RBPMS2: variants seen among roughly 807,000 people sequenced by gnomAD.
RBPMS2 encodes RNA-binding protein with multiple splicing 2.
RBPMS2 carries 14 observed loss-of-function variants against 25.7 expected under a neutral mutation model. The ratio of observed to expected loss-of-function variants is 0.55; its 90% confidence interval spans 0.36 to 0.85. RBPMS2 has a LOEUF of 0.85. Among genes scored for constraint, RBPMS2 ranks in the 40% least tolerant of loss-of-function variants. RBPMS2 has a pLI of 0.01. For missense variants in RBPMS2, 252 were observed against 283.4 expected (o/e 0.89, Z 0.80); for synonymous variants, 127 against 115.6 (o/e 1.10, Z -0.63).
intron 6 of RBPMS2, among the ~76,000 whole-genome samples, chr15:64,747,308 C>T (rs1020520969): frequency 2.0e-5 from 3 of 152,138 alleles, no homozygotes; most frequent in Non-Finnish European, 4.4e-5. Context: ...TGAAAATGGA[C>T]GTACACACAG....
chr15:64,757,302 T>C (rs551593597), intron 1 of RBPMS2, among the ~76,000 whole-genome samples: 3 of 152,156 alleles, frequency 2.0e-5, no homozygotes, highest in Non-Finnish European at 4.4e-5. Context: ...ACAAACACCA[T>C]CTACCTCCAA....
chr15:64,757,930 T>C (rs2083749269), intron 1 of RBPMS2, among the ~76,000 whole-genome samples: 1 of 152,104 alleles, frequency 6.6e-6, no homozygotes, highest in Admixed American at 6.6e-5. Flanking sequence ...GAGTCATGAT[T>C]GCACCACTTG....
chr15:64,762,467 A>G lies in RBPMS2; in HGVS notation c.88-10829T>C, dbSNP rs777058823. 7.5e-6 allele frequency: 4 copies of G among 534,662 alleles called. No homozygotes were observed. In the Admixed American group the frequency reaches 7.8e-5, roughly 10 times the overall value. The allele number at this position is 534,662 out of a possible 1,614,324, so 33.1% of individuals were successfully genotyped here. A position where few individuals can be genotyped will look rare whatever the true frequency, so the allele number is the denominator to read the frequency against. On this transcript the variant is annotated intron_variant, in intron 1 of 7. Transcript: ENST00000300069. ...CTTTCCTGTTATAAAGACACTGAGC[A>G]CGTTTTCAGAATTTGCTGCCATCAT...
At chr15:64,771,472 C>T (rs2083892686) in intron 1 of RBPMS2, among the ~76,000 whole-genome samples, 1 of 152,180 alleles carries the variant, frequency 6.6e-6, no homozygotes, top group Admixed American at 6.5e-5. Context: ...CACTTGAGGT[C>T]AGGAGTTCAA....
chr15:64,748,622 C>G, intron 5 of RBPMS2, 55 bp from the exon 6 acceptor site: 1 of 1,503,634 alleles, frequency 6.7e-7, no homozygotes, highest in Middle Eastern at 1.8e-4. Flanking sequence ...CCCTTCCAAA[C>G]GGAGAAGGGG....
At chr15:64,765,100 G>A (rs1466004614) in intron 1 of RBPMS2, among the ~76,000 whole-genome samples, 52 of 151,036 alleles carry the variant, frequency 3.4e-4, no homozygotes, top group African/African-American at 8.5e-4. Context: ...GGTGGCGTGC[G>A]CCTGTAATCC....
At position 64,740,925 on chromosome 15, in the gene RBPMS2, CG is replaced by C; in HGVS notation, c.*82del. ...GGGCAGCAGCTCTGTGCAGGCCGCC[CG>C]GGGGCAGTGGGAACTCGGGGCGCCT... is the stretch of plus-strand genomic sequence containing the variant. On this transcript the variant is annotated 3_prime_UTR_variant, in exon 8 of 8. Coordinates refer to ENST00000300069, the MANE Select transcript of RBPMS2 (RefSeq NM_194272.3). 2.2e-6 allele frequency: 1 copy of C among 447,252 alleles called. No homozygotes were observed. Among genetic ancestry groups the C allele is most frequent in the East Asian group, 4.3e-5 (1 of 23,454 alleles). 27.7% of individuals were successfully genotyped at this position (447,252 alleles called of 1,614,324 possible).
chr15:64,753,211 G>A (rs946339649), intron 1 of RBPMS2, among the ~76,000 whole-genome samples: 4 of 152,152 alleles, frequency 2.6e-5, no homozygotes, highest in African/African-American at 9.6e-5. Flanking sequence ...GCGAAGCCAA[G>A]CACAGGTCTT....
At chr15:64,744,677 C>T (rs1242889069) in intron 6 of RBPMS2, among the ~76,000 whole-genome samples, 1 of 151,538 alleles carries the variant, frequency 6.6e-6, no homozygotes, top group African/African-American at 2.4e-5. Flanking sequence ...AACCAATTTA[C>T]CATCTACAGG....
intron 1 of RBPMS2, among the ~76,000 whole-genome samples, chr15:64,754,456 T>C (rs1360241313): frequency 6.6e-6 from 1 of 151,336 alleles, no homozygotes; most frequent in South Asian, 2.1e-4. Flanking sequence ...TACTAAAAAA[T>C]ACAAAATTAG....
intron 1 of RBPMS2, among the ~76,000 whole-genome samples, chr15:64,765,848 C>T (rs944316269): frequency 8.5e-5 from 13 of 152,214 alleles, no homozygotes; most frequent in Middle Eastern, 3.4e-3. Context: ...AAAAAATTAG[C>T]TGGGCATGGT....
intron 1 of RBPMS2, among the ~76,000 whole-genome samples, chr15:64,771,485 C>A (rs2141080804): frequency 6.6e-6 from 1 of 152,276 alleles, no homozygotes; most frequent in African/African-American, 2.4e-5. Context: ...GAGTTCAAGA[C>A]CAGCCTGGCC....
At chr15:64,759,760 C>T (rs1398845511) in intron 1 of RBPMS2, among the ~76,000 whole-genome samples, 2 of 152,162 alleles carry the variant, frequency 1.3e-5, no homozygotes, top group Admixed American at 6.5e-5. Context: ...GCAACCTCTA[C>T]TTCCCGTGTT....
At position 64,740,104 on chromosome 15, in the gene RBPMS2, G is replaced by C. The variant is rs780601693; in HGVS notation, c.*904C>G. 1 of 152,540 alleles carries C rather than the reference G, an allele frequency of 6.6e-6. No homozygotes were observed. Among genetic ancestry groups the C allele is most frequent in the African/African-American group, 2.4e-5 (1 of 41,414 alleles). The allele number at this position is 152,540 out of a possible 1,614,324, so 9.4% of individuals were successfully genotyped here. A position where few individuals can be genotyped will look rare whatever the true frequency, so the allele number is the denominator to read the frequency against. ...TTCTTAAACAAATGCCAGACACAAA[G>C]GCGTACTGCTGAAGAATGGAAACCC... On this transcript the variant is annotated 3_prime_UTR_variant, in exon 8 of 8. Coordinates refer to ENST00000300069, the MANE Select transcript of RBPMS2 (RefSeq NM_194272.3).
intron 6 of RBPMS2, among the ~76,000 whole-genome samples, chr15:64,745,815 G>A (rs147847229): frequency 5.3e-5 from 8 of 152,314 alleles, no homozygotes; most frequent in African/African-American, 7.2e-5. Context: ...CTGCAGCCAC[G>A]TAGCTGTGGA....
intron 1 of RBPMS2, among the ~76,000 whole-genome samples, chr15:64,752,704 C>T (rs1022930439): frequency 5.9e-5 from 9 of 151,680 alleles, no homozygotes; most frequent in African/African-American, 2.2e-4. Context: ...TCTGCCTCCC[C>T]GGTTCAAGCG....
At chr15:64,762,548 C>G (rs1422320714) in intron 1 of RBPMS2, 6 of 533,410 alleles carry the variant, frequency 1.1e-5, no homozygotes, top group South Asian at 8.4e-5. Flanking sequence ...CACTGAGAAC[C>G]AGGACACTGC....
intron 1 of RBPMS2, among the ~76,000 whole-genome samples, chr15:64,763,309 A>T (rs189275210): frequency 6.6e-6 from 1 of 152,120 alleles, no homozygotes; most frequent in Non-Finnish European, 1.5e-5. Flanking sequence ...AGATCCACAC[A>T]CTCCACAACA....
intron 1 of RBPMS2, among the ~76,000 whole-genome samples, chr15:64,764,739 C>A (rs1455165276): frequency 1.3e-5 from 2 of 150,170 alleles, no homozygotes; most frequent in African/African-American, 4.9e-5. Flanking sequence ...CACGGTGAAA[C>A]CCTGTCTCTA....
Sources: gnomAD v4.1 joint callset for allele counts (sites outside exome capture counted in the v4.1 genomes callset) on GRCh38, gnomAD v4.1.1 for gene constraint, MANE v1.5 for transcripts, NCBI Gene and HGNC (gene_info 2026-07-23, HGNC 2026-07-21) for gene names.